Variants in RSPO2 observed in about 807,000 individuals in gnomAD.
The protein encoded by RSPO2 is R-spondin-2.
RSPO2 carries 14 observed loss-of-function variants against 30.9 expected under a neutral mutation model. The ratio of observed to expected loss-of-function variants is 0.45; its 90% confidence interval spans 0.30 to 0.71. The LOEUF (loss-of-function observed/expected upper bound fraction) is 0.71, where lower values mean the gene tolerates loss of function less well. Ranked by LOEUF, RSPO2 falls within the 30% of genes least tolerant of loss-of-function variation. RSPO2 has a pLI of 0.08. For synonymous variants in RSPO2, 107 were observed against 96.4 expected (o/e 1.11, Z -0.64); for missense variants, 264 against 301.9 (o/e 0.87, Z 0.93).
intron 5 of RSPO2, among the ~76,000 whole-genome samples, chr8:107,943,796 C>G (rs1226123602): frequency 6.6e-6 from 1 of 152,154 alleles, no homozygotes; most frequent in African/African-American, 2.4e-5. Flanking sequence ...TTAAATTACT[C>G]AAGTTAGCAA....
chr8:107,941,541 G>C (rs140049070), intron 5 of RSPO2, among the ~76,000 whole-genome samples: 1 of 151,990 alleles, frequency 6.6e-6, no homozygotes, highest in African/African-American at 2.4e-5. Flanking sequence ...GATAGCCCCC[G>C]GCTAGATATT....
intron 5 of RSPO2, among the ~76,000 whole-genome samples, chr8:107,946,021 C>T (rs1270340730): frequency 4.6e-5 from 7 of 152,172 alleles, no homozygotes; most frequent in Admixed American, 1.3e-4. Context: ...GTTATAGCAA[C>T]ATTCTAGGTA....
chr8:107,903,075 C>A (rs1811529988), intron 5 of RSPO2, among the ~76,000 whole-genome samples: 1 of 151,966 alleles, frequency 6.6e-6, no homozygotes, highest in Non-Finnish European at 1.5e-5. Flanking sequence ...ATATTTAATA[C>A]AAAATATAGC....
At chr8:108,033,049 C>CAA (rs35774922) in intron 2 of RSPO2, among the ~76,000 whole-genome samples, 780 of 68,688 alleles carry the variant, frequency 0.011, 34 homozygotes, top group African/African-American at 0.041. Context: ...GACTCTGTCT[C>CAA]AAAAAAAAAA....
At chr8:108,004,609 T>C (rs1815388167) in intron 2 of RSPO2, among the ~76,000 whole-genome samples, 1 of 152,214 alleles carries the variant, frequency 6.6e-6, no homozygotes, top group South Asian at 2.1e-4. Context: ...GCAACCTGCA[T>C]CTACATTCAT....
chr8:107,960,779 C>G lies in RSPO2; in HGVS notation c.322G>C (p.Asp108His). Residue 108 changes from aspartate to histidine, a missense_variant, in exon 4 of 6, where the codon GAC (aspartate) becomes CAC (histidine). Coordinates refer to ENST00000276659, the MANE Select transcript of RSPO2 (RefSeq NM_178565.5). ...CCTACTTTGCACTTGGTACAAAAGT[C>G]TTTGCTAAAGCAAGAATCACAGTTT... The part of the protein sequence containing the change: ...IENCDSCFSK[D>H]FCTKCKVGFY... 6.2e-7 allele frequency: 1 copy of G among 1,608,896 alleles called. No homozygotes were observed. The highest frequency in any genetic ancestry group is 8.5e-7 in the Non-Finnish European group (1 of 1,178,458).
intron 3 of RSPO2, among the ~76,000 whole-genome samples, chr8:107,973,211 A>G (rs1205595117): frequency 6.6e-6 from 1 of 151,634 alleles, no homozygotes; most frequent in Non-Finnish European, 1.5e-5. Context: ...CAGAGTTTGC[A>G]GTGAGCCGAG....
chr8:108,065,135 C>T (rs1175148420), intron 2 of RSPO2, among the ~76,000 whole-genome samples: 1 of 151,586 alleles, frequency 6.6e-6, no homozygotes, highest in Non-Finnish European at 1.5e-5. Context: ...CGAACCTGCG[C>T]ATTGTGCACA....
chr8:107,917,559 C>G (rs1812020799), intron 5 of RSPO2, among the ~76,000 whole-genome samples: 1 of 152,130 alleles, frequency 6.6e-6, no homozygotes, highest in South Asian at 2.1e-4. Context: ...ATTTGACAAA[C>G]TTTCCAAAAT....
intron 2 of RSPO2, among the ~76,000 whole-genome samples, chr8:108,014,532 A>C (rs912957697): frequency 5.3e-5 from 8 of 152,182 alleles, no homozygotes; most frequent in Non-Finnish European, 1.2e-4. Context: ...GGATGAGTTC[A>C]TGTCCTTTGC....
At chr8:107,985,928 T>C (rs576776952) in intron 3 of RSPO2, among the ~76,000 whole-genome samples, 2 of 152,158 alleles carry the variant, frequency 1.3e-5, no homozygotes, top group Non-Finnish European at 2.9e-5. Flanking sequence ...AGAGAGCAAA[T>C]CTTCCTTCAA....
At chr8:107,943,221 G>T (rs74361658) in intron 5 of RSPO2, among the ~76,000 whole-genome samples, 2,115 of 152,248 alleles carry the variant, frequency 0.014, 38 homozygotes, top group African/African-American at 0.047. Flanking sequence ...GTGCGTGCGC[G>T]CGCACACACA....
intron 3 of RSPO2, among the ~76,000 whole-genome samples, chr8:107,964,831 T>C (rs549092785): frequency 4.6e-5 from 7 of 152,312 alleles, no homozygotes; most frequent in African/African-American, 1.7e-4. Flanking sequence ...AACTCATTTT[T>C]ATATAAAAGT....
intron 2 of RSPO2, among the ~76,000 whole-genome samples, chr8:108,070,839 T>C (rs1014935746): frequency 6.6e-6 from 1 of 152,226 alleles, no homozygotes; most frequent in Admixed American, 6.5e-5. Flanking sequence ...AAGAAGGGTC[T>C]CTTCCATTAG....
chr8:108,081,876 C>G (rs1028170040), intron 2 of RSPO2: 67 of 982,936 alleles, frequency 6.8e-5, no homozygotes, highest in East Asian at 1.1e-4. Flanking sequence ...CCTCTGGAGG[C>G]GAGGACTCCC....
chr8:107,917,897 G>A (rs1812028792), intron 5 of RSPO2, among the ~76,000 whole-genome samples: 1 of 152,144 alleles, frequency 6.6e-6, no homozygotes, highest in Non-Finnish European at 1.5e-5. Flanking sequence ...GTCCTCCACA[G>A]ACAATTGTTG....
chr8:108,002,404 A>G (rs1815281038), intron 2 of RSPO2, among the ~76,000 whole-genome samples: 1 of 152,238 alleles, frequency 6.6e-6, no homozygotes, highest in South Asian at 2.1e-4. Flanking sequence ...ACAGTTTTGC[A>G]TACTTCCTAA....
Position 107,901,183 on chromosome 8 carries a change from T to C in RSPO2, c.624A>G (p.Arg208=). 3 of 1,613,050 alleles carry C rather than the reference T, an allele frequency of 1.9e-6. No individual in the cohort carries two copies. Among genetic ancestry groups the C allele is most frequent in the Non-Finnish European group, 2.5e-6 (3 of 1,179,624 alleles). The part of the protein sequence containing the change: ...MTMRHCPGGK[R]TPKAKEKRNK... ...TCCTCTTCTCCTTCGCCTTTGGTGT[T>C]CTCTTCCCTGCAATGAAGGAAAGAA... The change falls in exon 6 of 6, where the codon AGA becomes AGG. Residue 208 remains arginine, a synonymous_variant. Coordinates refer to ENST00000276659, the MANE Select transcript of RSPO2 (RefSeq NM_178565.5).
At chr8:107,925,201 T>C (rs1812322207) in intron 5 of RSPO2, among the ~76,000 whole-genome samples, 1 of 151,714 alleles carries the variant, frequency 6.6e-6, no homozygotes, top group Non-Finnish European at 1.5e-5. Flanking sequence ...GGGAACAGTG[T>C]ACACCGCTCA....
Sources: gnomAD v4.1 joint callset for allele counts (sites outside exome capture counted in the v4.1 genomes callset) on GRCh38, gnomAD v4.1.1 for gene constraint, MANE v1.5 for transcripts, NCBI Gene and HGNC (gene_info 2026-07-23, HGNC 2026-07-21) for gene names.